The following NKAIN3 variants were observed in gnomAD, a reference collection of about 807,000 sequenced individuals.
NKAIN3 encodes the protein sodium/potassium-transporting ATPase subunit beta-1-interacting protein 3.
A neutral mutation model predicts 30.2 loss-of-function variants in NKAIN3; 25 were observed. The ratio of observed to expected loss-of-function variants is 0.83; its 90% CI spans 0.60 to 1.16. The LOEUF is 1.16. NKAIN3 is among the 50% of genes most tolerant of loss of function. NKAIN3 has a pLI of 0.00. For missense variants in NKAIN3, 225 were observed against 254.1 expected, an observed-to-expected ratio of 0.89 and a Z score of 0.78; for synonymous variants, 91 against 89.6, an observed-to-expected ratio of 1.02 and a Z score of -0.09.
chr8:62,679,675 AAG>A (rs761622727), intron 3 of NKAIN3, among the ~76,000 whole-genome samples: 9 of 152,154 alleles, frequency 5.9e-5, no homozygotes, highest in Non-Finnish European at 1.3e-4. Flanking sequence ...GCAGAAGGGA[AAG>A]AGAGAGAGCA....
Position 62,535,223 on chromosome 8 carries a change from T to C in NKAIN3, c.55-44316T>C, listed in dbSNP as rs530588887. Among the ~76,000 whole-genome samples, 215 of 152,272 alleles carry C rather than the reference T, an allele frequency of 1.4e-3. 1 individual carries two copies. Among genetic ancestry groups the C allele is most frequent in the African/African-American group, 4.7e-3 (195 of 41,552 alleles). On this transcript the variant is annotated intron_variant, in intron 1 of 6. Transcript: ENST00000623646. ...AGTCCACGTGCTGTTTCAGTTATGC[T>C]CATATTCATGTTATGTTCGGAAAAC... is the stretch of plus-strand genomic sequence containing the variant.
chr8:62,879,102 G>A (rs916938667), intron 4 of NKAIN3, among the ~76,000 whole-genome samples: 20 of 152,250 alleles, frequency 1.3e-4, no homozygotes, highest in South Asian at 4.1e-4. Flanking sequence ...CTTCCACAAC[G>A]GTTGAACTAG....
At chr8:62,830,806 C>T (rs1256249096) in intron 4 of NKAIN3, among the ~76,000 whole-genome samples, 1 of 152,172 alleles carries the variant, frequency 6.6e-6, no homozygotes. Context: ...AGAGAATTCT[C>T]ACCTCCATGC....
At chr8:62,408,134 TA>T (rs1804132039) in intron 1 of NKAIN3, among the ~76,000 whole-genome samples, 1 of 152,246 alleles carries the variant, frequency 6.6e-6, no homozygotes, top group Non-Finnish European at 1.5e-5. Context: ...TTTTAGATAT[TA>T]TTTTTTCCCA....
At chr8:62,780,669 G>A (rs1020989387) in intron 4 of NKAIN3, among the ~76,000 whole-genome samples, 1 of 152,042 alleles carries the variant, frequency 6.6e-6, no homozygotes, top group East Asian at 1.9e-4. Flanking sequence ...CACATAGACA[G>A]AATTAAAGAC....
intron 3 of NKAIN3, among the ~76,000 whole-genome samples, chr8:62,596,922 T>C (rs1020978324): frequency 1.3e-5 from 2 of 152,098 alleles, no homozygotes; most frequent in African/African-American, 4.8e-5. Context: ...CTTCAAGTAA[T>C]GGAGCCTGAT....
At chr8:62,337,095 T>C (rs1024217295) in intron 1 of NKAIN3, among the ~76,000 whole-genome samples, 1 of 152,022 alleles carries the variant, frequency 6.6e-6, no homozygotes, top group African/African-American at 2.4e-5. Flanking sequence ...AGCAAAACAG[T>C]CCACTTTCTC....
In NKAIN3 at chr8:62,461,835, A is replaced by G. The variant is rs1483741993; in HGVS notation, c.55-117704A>G. On this transcript the variant is annotated intron_variant, in intron 1 of 6. Transcript: ENST00000623646. ...CTCAGATGCCTGTGGGAAATTGTCA[A>G]GCAGACCTTGCTGCTCATACTCATA... 2.6e-5 allele frequency among the ~76,000 whole-genome samples: 4 copies of G among 152,174 alleles called. No individual in the cohort carries two copies. In the East Asian group the frequency reaches 5.8e-4, roughly 22 times the overall value.
chr8:62,694,366 C>G (rs1267253188), intron 3 of NKAIN3, among the ~76,000 whole-genome samples: 3 of 152,124 alleles, frequency 2.0e-5, no homozygotes, highest in African/African-American at 4.8e-5. Flanking sequence ...GGATGTCATT[C>G]AGCCACAAAA....
intron 3 of NKAIN3, among the ~76,000 whole-genome samples, chr8:62,715,921 C>T (rs565125627): frequency 6.6e-6 from 1 of 152,198 alleles, no homozygotes; most frequent in East Asian, 1.9e-4. Context: ...ACAACCTTTC[C>T]TGTCTGCTAT....
At chr8:62,550,349 AC>A (rs1303727392) in intron 1 of NKAIN3, among the ~76,000 whole-genome samples, 1 of 152,038 alleles carries the variant, frequency 6.6e-6, no homozygotes, top group Admixed American at 6.6e-5. Context: ...GAGACTTATC[AC>A]CCTTACTAGA....
chr8:62,664,649 C>T (rs1181533348), intron 3 of NKAIN3, among the ~76,000 whole-genome samples: 1 of 152,152 alleles, frequency 6.6e-6, no homozygotes, highest in Non-Finnish European at 1.5e-5. Flanking sequence ...ACCATTTCCC[C>T]TTTTCCTGTA....
intron 1 of NKAIN3, among the ~76,000 whole-genome samples, chr8:62,337,603 GACAC>G (rs563117785): frequency 1.3e-5 from 2 of 149,980 alleles, no homozygotes; most frequent in African/African-American, 2.5e-5. Flanking sequence ...ACACATAACA[GACAC>G]ACACTCTCAC....
rs1045456179 is a variant in NKAIN3 at position 62,589,734 on chromosome 8, C to G, written c.213C>G (p.Leu71=). The stretch of plus-strand genomic sequence containing the variant: ...TCTAGTATACAGTGTGGACTGCCCT[C>G]TGGGTCACCTGGAATGTGTTCATTA... ...YIMVYTVWTA[L]WVTWNVFIIC... is the part of the protein sequence containing the mutation. The change falls in exon 3 of 7, where the codon CTC becomes CTG. Residue 71 remains leucine (L), a synonymous_variant. Coordinates refer to ENST00000623646, the MANE Select transcript of NKAIN3 (RefSeq NM_001304533.3). 1 of 1,601,384 alleles carries G rather than the reference C, an allele frequency of 6.2e-7. No homozygotes were observed. Among genetic ancestry groups the G allele is most frequent in the Non-Finnish European group, 8.5e-7 (1 of 1,170,838 alleles).
chr8:62,762,799 G>C (rs1238636911), intron 4 of NKAIN3, among the ~76,000 whole-genome samples: 1 of 152,076 alleles, frequency 6.6e-6, no homozygotes, highest in Admixed American at 6.6e-5. Flanking sequence ...GCTGCTTACT[G>C]AGATGACAGA....
chr8:62,546,866 C>A (rs1809031443), intron 1 of NKAIN3, among the ~76,000 whole-genome samples: 2 of 152,108 alleles, frequency 1.3e-5, no homozygotes, highest in South Asian at 4.1e-4. Flanking sequence ...AAGAAAGCAG[C>A]ACAGCTTTAA....
chr8:62,753,481 A>G (rs1816351422), intron 4 of NKAIN3, among the ~76,000 whole-genome samples: 1 of 152,168 alleles, frequency 6.6e-6, no homozygotes, highest in Admixed American at 6.5e-5. Context: ...TTAAATTAGT[A>G]CTAAAACCAT....
intron 1 of NKAIN3, among the ~76,000 whole-genome samples, chr8:62,440,617 C>CA (rs996859912): frequency 1.3e-5 from 2 of 151,878 alleles, no homozygotes; most frequent in African/African-American, 4.8e-5. Context: ...TTTTTGTTAC[C>CA]AAAAAACCCA....
chr8:62,863,055 C>T, intron 4 of NKAIN3: 2 of 906,382 alleles, frequency 2.2e-6, no homozygotes, highest in Admixed American at 2.1e-5. Flanking sequence ...ACTCTAGGTG[C>T]TTTGATCCTC....
Sources: gnomAD v4.1 joint callset for allele counts (sites outside exome capture counted in the v4.1 genomes callset) on GRCh38, gnomAD v4.1.1 for gene constraint, MANE v1.5 for transcripts, NCBI Gene and HGNC (gene_info 2026-07-23, HGNC 2026-07-21) for gene names.